Variants in SULF2 observed in about 807,000 individuals in gnomAD.
SULF2 encodes the protein extracellular sulfatase Sulf-2.
A neutral mutation model predicts 107.7 loss-of-function variants in SULF2; 52 were observed. The ratio of observed to expected loss-of-function variants is 0.48; its 90% confidence interval spans 0.39 to 0.61. SULF2 has a LOEUF of 0.61. Ranked by LOEUF, SULF2 falls within the 20% of genes least tolerant of loss-of-function variation. The pLI, the probability that SULF2 is intolerant of heterozygous loss-of-function variation, is 0.00. For missense variants in SULF2, 993 were observed against 1,177.3 expected, an observed-to-expected ratio of 0.84 and a Z score of 2.29; for synonymous variants, 460 against 464.3, an observed-to-expected ratio of 0.99 and a Z score of 0.12.
intron 5 of SULF2, chr20:47,686,303 T>C (rs1220400032): frequency 6.6e-6 from 1 of 152,220 alleles, no homozygotes; most frequent in Non-Finnish European, 1.5e-5. Context: ...AGAGGAAACA[T>C]TGTGAGCAAA....
chr20:47,731,441 T>G (rs539189983), intron 3 of SULF2, among the ~76,000 whole-genome samples: 1 of 151,858 alleles, frequency 6.6e-6, no homozygotes, highest in East Asian at 1.9e-4. Flanking sequence ...GATCCGCCCA[T>G]CCCTGCCTCC....
intron 1 of SULF2, among the ~76,000 whole-genome samples, chr20:47,780,494 G>C (rs2090810588): frequency 6.6e-6 from 1 of 151,984 alleles, no homozygotes; most frequent in Non-Finnish European, 1.5e-5. Context: ...TCCTCACAGA[G>C]GCCTCCCTGA....
chr20:47,786,064 C>T (rs901936753), upstream of SULF2: 13 of 152,192 alleles, frequency 8.5e-5, no homozygotes, highest in African/African-American at 1.9e-4. Context: ...CACTCTCGCT[C>T]CTGCTCGCCC....
intron 2 of SULF2, among the ~76,000 whole-genome samples, chr20:47,752,123 TGTC>T: frequency 6.6e-6 from 1 of 152,356 alleles, no homozygotes; most frequent in East Asian, 1.9e-4. Context: ...TAGATTTTAA[TGTC>T]GTTTTGATAT....
chr20:47,665,951 C>T lies in SULF2; in HGVS notation c.1808G>A (p.Cys603Tyr), dbSNP rs755199138. Residue 603 changes from cysteine (C) to tyrosine (Y), a missense_variant and splice_region_variant, in exon 13 of 21, where the codon TGC (cysteine) becomes TAC (tyrosine). Physicochemically the swap from Cys to Tyr is radical, Grantham distance 194 (BLOSUM62 -2). Around this residue, in one of 3 missense-constraint regions of SULF2, gnomAD observed 497 missense variants for 544.1 expected, o/e 0.91. Transcript: ENST00000688720. ...AANPIKVTHR[C>Y]YILENDTVQC... is the part of the protein sequence containing the mutation. ...GACTGTGTCGTTCTCTAGGATGTAG[C>T]ACCTGCTTGAGAGAAGGGATCACGT... 4 of 1,613,742 alleles carry T rather than the reference C, an allele frequency of 2.5e-6. No homozygotes were observed. Among genetic ancestry groups the T allele is most frequent in the East Asian group, 2.2e-5 (1 of 44,892 alleles).
chr20:47,737,087 G>A, intron 2 of SULF2, 145 bp from the exon 3 acceptor site: 1 of 1,225,358 alleles, frequency 8.2e-7, no homozygotes, highest in South Asian at 1.4e-5. Flanking sequence ...GGCCACTGCT[G>A]CACGGTGGGA....
chr20:47,730,915 G>T (rs1245078696), intron 3 of SULF2, among the ~76,000 whole-genome samples: 1 of 152,186 alleles, frequency 6.6e-6, no homozygotes, highest in Non-Finnish European at 1.5e-5. Flanking sequence ...CAGAGCAGGT[G>T]ATCCACGCTG....
intron 10 of SULF2, among the ~76,000 whole-genome samples, chr20:47,675,894 G>A (rs935215870): frequency 6.6e-6 from 1 of 152,082 alleles, no homozygotes; most frequent in African/African-American, 2.4e-5. Context: ...TAGAGACAGG[G>A]TCTTATTCTG....
chr20:47,739,687 A>G (rs2089831846), intron 2 of SULF2, among the ~76,000 whole-genome samples: 1 of 152,220 alleles, frequency 6.6e-6, no homozygotes, highest in South Asian at 2.1e-4. Flanking sequence ...ACTTATTTGT[A>G]TGTTGCTGCC....
chr20:47,678,966 C>A lies in SULF2; in HGVS notation c.1065-162G>T, dbSNP rs530947944. Among the ~76,000 whole-genome samples, 2 of 151,928 alleles carry A rather than the reference C, an allele frequency of 1.3e-5. No individual in the cohort carries two copies. Among genetic ancestry groups the A allele is most frequent in the South Asian group, 4.2e-4 (2 of 4,806 alleles). On this transcript the variant is annotated intron_variant, in intron 7 of 20. Transcript: ENST00000688720. The surrounding 1 kb of genome is among the most constrained non-coding windows in gnomAD (Gnocchi z 4.5). ...CCTCAACCTCAGCAGCTCCCCTCTG[C>A]GGCCCAGATTCAGCTGAACCCCCAC...
At chr20:47,710,790 G>A (rs2088900704) in intron 3 of SULF2, among the ~76,000 whole-genome samples, 1 of 152,056 alleles carries the variant, frequency 6.6e-6, no homozygotes, top group East Asian at 1.9e-4. Context: ...CTGCTTCGTG[G>A]CCCAGCAGGT....
Position 47,678,576 on chromosome 20 carries a change from A to G in SULF2, c.1193+100T>C. On this transcript the variant is annotated intron_variant, in intron 8 of 20. Coordinates refer to ENST00000688720, the MANE Select transcript of SULF2 (RefSeq NM_001387048.1). This position sits in a 1 kb window ranked among gnomAD's most constrained non-coding sequence, Gnocchi z 4.5. The stretch of plus-strand genomic sequence containing the variant: ...CGGGACCTGAGAACCCCAGCTCCCG[A>G]CCCTTGGAGACCCCACGTTCTAGAC... The G allele has an allele frequency of 1.3e-6, 2 of 1,490,174 alleles. No homozygotes were observed. The highest frequency in any genetic ancestry group is 1.4e-5 in the African/African-American group (1 of 72,316). 92.3% of individuals were successfully genotyped at this position (1,490,174 alleles called of 1,614,324 possible). A position where few individuals can be genotyped will look rare whatever the true frequency, so the allele number is the denominator to read the frequency against.
intron 5 of SULF2, 59 bp from the exon 6 acceptor site, chr20:47,684,640 C>T (rs1450686213): frequency 1.9e-6 from 3 of 1,571,890 alleles, no homozygotes; most frequent in African/African-American, 1.4e-5. Flanking sequence ...CCCTGCCTGG[C>T]CCCCGCCAGA....
intron 3 of SULF2, among the ~76,000 whole-genome samples, chr20:47,710,896 C>T (rs750410170): frequency 3.9e-5 from 6 of 152,154 alleles, no homozygotes; most frequent in Non-Finnish European, 8.8e-5. Flanking sequence ...CGATTCGGAG[C>T]CTGATGGGAG....
At chr20:47,661,515 A>C (rs904175586) in intron 18 of SULF2, 1 of 320,730 alleles carries the variant, frequency 3.1e-6, no homozygotes, top group Non-Finnish European at 6.0e-6. Flanking sequence ...ATGAGTGGAC[A>C]AAAGGGAGGA....
chr20:47,755,559 C>G (rs1049188194), intron 2 of SULF2, among the ~76,000 whole-genome samples: 1 of 152,148 alleles, frequency 6.6e-6, no homozygotes, highest in Non-Finnish European at 1.5e-5. Flanking sequence ...ATACCTAACC[C>G]ATTGATCAGT....
chr20:47,666,625 T>C lies in SULF2; in HGVS notation c.1577-137A>G, dbSNP rs1232977255. 1 of 695,178 alleles carries C rather than the reference T, an allele frequency of 1.4e-6. No individual in the cohort carries two copies. Among genetic ancestry groups the C allele is most frequent in the Non-Finnish European group, 2.4e-6 (1 of 416,696 alleles). The allele number at this position is 695,178 out of a possible 1,614,324, so 43.1% of individuals were successfully genotyped here. A position where few individuals can be genotyped will look rare whatever the true frequency, so the allele number is the denominator to read the frequency against. On this transcript the variant is annotated intron_variant, in intron 11 of 20. Transcript: ENST00000688720. The surrounding 1 kb of genome is among the most constrained non-coding windows in gnomAD (Gnocchi z 5.4). ...GCTTTGCCTGCGACTCGAGGGGTCG[T>C]GGAATCTACCCGCCTGCTCGCAGAT...
At chr20:47,682,116 G>T (rs2087842514) in intron 7 of SULF2, among the ~76,000 whole-genome samples, 1 of 151,984 alleles carries the variant, frequency 6.6e-6, no homozygotes, top group Admixed American at 6.5e-5. Flanking sequence ...ATCTGATAAG[G>T]TCAACAGTCA....
intron 1 of SULF2, among the ~76,000 whole-genome samples, chr20:47,776,094 T>C (rs1172913056): frequency 6.6e-6 from 1 of 152,020 alleles, no homozygotes; most frequent in Non-Finnish European, 1.5e-5. Flanking sequence ...GAAATATTGC[T>C]CCACAATGAG....
Sources: allele counts gnomAD v4.1 joint callset (sites outside exome capture counted in the v4.1 genomes callset), GRCh38; gene constraint gnomAD v4.1.1; regional missense constraint gnomAD v4.1.1; non-coding constraint Gnocchi (gnomAD v3.1); transcripts MANE v1.5; gene names NCBI Gene and HGNC (gene_info 2026-07-23, HGNC 2026-07-21).